The following SMG6 variants were observed in gnomAD, a reference collection of about 807,000 sequenced individuals.
SMG6 encodes the protein telomerase-binding protein EST1A.
SMG6 carries 66 observed loss-of-function variants against 142.2 expected under a neutral mutation model. That is an observed-to-expected ratio of 0.46 (90% CI 0.38 to 0.57). The LOEUF is 0.57. Ranked by LOEUF, SMG6 falls within the 20% of genes least tolerant of loss-of-function variation. The probability of loss-of-function intolerance (pLI) is 0.00; values close to 1 mark genes in which losing one functional copy is unlikely to be tolerated. For missense variants in SMG6, 1,793 were observed against 1,832.0 expected, an observed-to-expected ratio of 0.98 and a Z score of 0.39; for synonymous variants, 779 against 702.4, an observed-to-expected ratio of 1.11 and a Z score of -1.72.
intron 13 of SMG6, among the ~76,000 whole-genome samples, chr17:2,119,231 G>A (rs981424141): frequency 1.3e-5 from 2 of 151,458 alleles, no homozygotes; most frequent in African/African-American, 2.4e-5. Flanking sequence ...CTAATTTTTT[G>A]TATTTCTAGT....
chr17:2,172,624 G>A, intron 13 of SMG6, 34 bp downstream of exon 13: 2 of 1,605,660 alleles, frequency 1.2e-6, no homozygotes, highest in Non-Finnish European at 1.7e-6. Context: ...AAGAGGAGGG[G>A]CGAATGGGGA....
chr17:2,228,126 T>C (rs2073369452), intron 10 of SMG6, among the ~76,000 whole-genome samples: 1 of 152,178 alleles, frequency 6.6e-6, no homozygotes, highest in Non-Finnish European at 1.5e-5. Context: ...TGCAGTGGTG[T>C]GATCTTGGCT....
At chr17:2,182,492 CA>C (rs1451088313) in intron 12 of SMG6, among the ~76,000 whole-genome samples, 1 of 151,996 alleles carries the variant, frequency 6.6e-6, no homozygotes, top group Non-Finnish European at 1.5e-5. Context: ...AATAACAGTC[CA>C]GGGGGTACAT....
intron 8 of SMG6, among the ~76,000 whole-genome samples, chr17:2,276,777 C>T (rs942357323): frequency 7.9e-5 from 12 of 152,058 alleles, no homozygotes; most frequent in Admixed American, 5.2e-4. Flanking sequence ...CACATGCCAA[C>T]TGTATGTCTT....
At chr17:2,082,009 T>C (rs980004422) in intron 14 of SMG6, 53 bp from the exon 15 acceptor site, 9 of 1,592,318 alleles carry the variant, frequency 5.7e-6, no homozygotes, top group South Asian at 3.3e-5. Flanking sequence ...GCTGGGCCCA[T>C]GGCTCTTACT....
At chr17:2,284,163 C>T (rs216190) in intron 6 of SMG6, among the ~76,000 whole-genome samples, 87,083 of 151,988 alleles carry the variant, frequency 0.57, 26,227 homozygotes, top group East Asian at 0.75. Context: ...GGAGTTGACT[C>T]GGAAACTTTG....
chr17:2,270,554 G>A (rs1017971572), intron 8 of SMG6, among the ~76,000 whole-genome samples: 9 of 152,156 alleles, frequency 5.9e-5, no homozygotes, highest in Admixed American at 5.9e-4. Context: ...GCTTCAGTGA[G>A]CGATGATCAT....
chr17:2,229,603 A>G (rs1319968359), intron 10 of SMG6: 1 of 152,230 alleles, frequency 6.6e-6, no homozygotes, highest in African/African-American at 2.4e-5. Flanking sequence ...AAGAGAATCA[A>G]AGGAAAACAC....
At chr17:2,289,961 T>C (rs943893199) in intron 6 of SMG6, among the ~76,000 whole-genome samples, 4 of 148,118 alleles carry the variant, frequency 2.7e-5, no homozygotes, top group African/African-American at 9.8e-5. Context: ...TATATATATA[T>C]ATATGTAATT....
chr17:2,246,738 G>A (rs1167810315), intron 8 of SMG6, among the ~76,000 whole-genome samples: 1 of 152,134 alleles, frequency 6.6e-6, no homozygotes, highest in Non-Finnish European at 1.5e-5. Flanking sequence ...TTGAGGTCAG[G>A]AGTTCAAGAC....
chr17:2,065,974 CTA>C, intron 16 of SMG6: 1 of 456,550 alleles, frequency 2.2e-6, no homozygotes, highest in East Asian at 4.1e-5. Context: ...TCTGGTCCCT[CTA>C]TTGCATTCCT....
At chr17:2,249,128 T>C (rs143109848) in intron 8 of SMG6, among the ~76,000 whole-genome samples, 124 of 151,850 alleles carry the variant, frequency 8.2e-4, no homozygotes, top group African/African-American at 2.1e-3. Flanking sequence ...CTCCTGACCT[T>C]GTGATCCGCC....
At chr17:2,126,363 A>G (rs1294527164) in intron 13 of SMG6, among the ~76,000 whole-genome samples, 1 of 152,236 alleles carries the variant, frequency 6.6e-6, no homozygotes. Flanking sequence ...GCATAAGGGA[A>G]AATCTTTATG....
At chr17:2,232,528 T>C (rs1179787647) in intron 10 of SMG6, among the ~76,000 whole-genome samples, 1 of 152,152 alleles carries the variant, frequency 6.6e-6, no homozygotes, top group Non-Finnish European at 1.5e-5. Context: ...ACTCAGCAAA[T>C]GCTTACTGAA....
At chr17:2,137,920 G>A (rs2070356552) in intron 13 of SMG6, among the ~76,000 whole-genome samples, 2 of 152,096 alleles carry the variant, frequency 1.3e-5, no homozygotes, top group Admixed American at 1.3e-4. Context: ...AGGCCTCACT[G>A]GCTCTTCCTC....
chr17:2,114,147 G>GT (rs1217659754), intron 13 of SMG6, among the ~76,000 whole-genome samples: 24 of 152,134 alleles, frequency 1.6e-4, no homozygotes, highest in Non-Finnish European at 3.1e-4. Context: ...GCGCATGCCT[G>GT]TAATCCCAGC....
At chr17:2,105,083 ATTTTTT>A (rs549898049) in intron 13 of SMG6, among the ~76,000 whole-genome samples, 129 of 103,156 alleles carry the variant, frequency 1.3e-3, no homozygotes, top group East Asian at 2.7e-3. Flanking sequence ...CACCCAGCTA[ATTTTTT>A]TTTTTTTTTT....
chr17:2,189,748 G>A (rs2072102023), intron 10 of SMG6, among the ~76,000 whole-genome samples: 1 of 152,168 alleles, frequency 6.6e-6, no homozygotes. Context: ...GAGCAAGTAT[G>A]ATTGGAGTAC....
intron 13 of SMG6, among the ~76,000 whole-genome samples, chr17:2,152,227 C>G (rs1430628836): frequency 3.9e-5 from 6 of 152,178 alleles, no homozygotes; most frequent in Admixed American, 3.3e-4. Flanking sequence ...TCTGTCTGGA[C>G]AATTCAGTTT....
Sources: gnomAD v4.1 joint callset for allele counts (sites outside exome capture counted in the v4.1 genomes callset) on GRCh38, gnomAD v4.1.1 for gene constraint, MANE v1.5 for transcripts, NCBI Gene and HGNC (gene_info 2026-07-23, HGNC 2026-07-21) for gene names.